The following SLC2A13 variants were observed in gnomAD, a reference collection of about 807,000 sequenced individuals.
SLC2A13 encodes proton myo-inositol cotransporter.
Under a neutral mutation model 64.4 loss-of-function variants are expected in SLC2A13, and 32 were observed. That is an observed-to-expected ratio of 0.50 (90% CI 0.37 to 0.67). The LOEUF is 0.67. Among genes scored for constraint, SLC2A13 ranks in the 30% least tolerant of loss-of-function variants. The pLI, the probability that SLC2A13 is intolerant of heterozygous loss-of-function variation, is 0.00. For synonymous variants in SLC2A13, 338 were observed against 327.1 expected, an observed-to-expected ratio of 1.03 and a Z score of -0.36; for missense variants, 743 against 829.2, an observed-to-expected ratio of 0.90 and a Z score of 1.28.
At chr12:39,842,395 AT>A (rs1304491540) in intron 6 of SLC2A13, among the ~76,000 whole-genome samples, 1 of 152,002 alleles carries the variant, frequency 6.6e-6, no homozygotes, top group Non-Finnish European at 1.5e-5. Context: ...CAAATCAGAT[AT>A]TTTTTCTACT....
At chr12:39,881,962 C>G (rs966490965) in intron 4 of SLC2A13, among the ~76,000 whole-genome samples, 11 of 152,142 alleles carry the variant, frequency 7.2e-5, no homozygotes, top group African/African-American at 2.7e-4. Flanking sequence ...ACATCTGAGT[C>G]TCTTTTAACT....
chr12:40,070,667 T>A (rs1937919110), intron 1 of SLC2A13, among the ~76,000 whole-genome samples: 1 of 152,180 alleles, frequency 6.6e-6, no homozygotes, highest in South Asian at 2.1e-4. Flanking sequence ...AACAAGATCC[T>A]TTTTGAACAG....
chr12:39,990,923 C>A (rs1947126578), intron 3 of SLC2A13, among the ~76,000 whole-genome samples: 1 of 152,078 alleles, frequency 6.6e-6, no homozygotes, highest in Non-Finnish European at 1.5e-5. Flanking sequence ...TTCAAGTCTC[C>A]TTTTTTCATC....
chr12:39,827,814 C>G (rs1942736532), intron 7 of SLC2A13, among the ~76,000 whole-genome samples: 1 of 152,052 alleles, frequency 6.6e-6, no homozygotes, highest in South Asian at 2.1e-4. Flanking sequence ...ATTATATTGA[C>G]AATTCAGAGT....
At chr12:39,809,554 G>A (rs1018440876) in intron 7 of SLC2A13, among the ~76,000 whole-genome samples, 3 of 152,154 alleles carry the variant, frequency 2.0e-5, no homozygotes, top group East Asian at 1.9e-4. Flanking sequence ...TGTGCACAAC[G>A]TGCAGGTTTG....
In SLC2A13 at chr12:39,837,475, A is replaced by C. The variant is rs372263476; in HGVS notation, c.1320-7247T>G. Reference sequence around the variant, plus strand: ...ACACCAAAAGCAATGGCAACAAAAGACAAAATTGACAAATGGGATCTAATT... The same window carrying C: ...ACACCAAAAGCAATGGCAACAAAAGCCAAAATTGACAAATGGGATCTAATT... On this transcript the variant is annotated intron_variant, in intron 6 of 9. Coordinates refer to ENST00000280871, the MANE Select transcript of SLC2A13 (RefSeq NM_052885.4). Among the ~76,000 whole-genome samples, 250 of 136,972 alleles carry C rather than the reference A, an allele frequency of 1.8e-3. 1 individual carries two copies. In the South Asian group the frequency reaches 0.053, roughly 29 times the overall value. 89.9% of individuals were successfully genotyped at this position (136,972 alleles called of 152,430 possible). A position where few individuals can be genotyped will look rare whatever the true frequency, so the allele number is the denominator to read the frequency against.
intron 5 of SLC2A13, among the ~76,000 whole-genome samples, chr12:39,866,967 T>C (rs1199880343): frequency 6.6e-6 from 1 of 152,184 alleles, no homozygotes; most frequent in African/African-American, 2.4e-5. Context: ...AAATCACAGT[T>C]TGTTTAACTA....
chr12:39,802,110 G>A (rs1487300287), intron 7 of SLC2A13: 1 of 152,278 alleles, frequency 6.6e-6, no homozygotes, highest in Non-Finnish European at 1.5e-5. Flanking sequence ...TGGTCAGGAA[G>A]GCCCCGCTGG....
chr12:39,988,885 T>G (rs1345404140), intron 3 of SLC2A13, among the ~76,000 whole-genome samples: 1 of 152,188 alleles, frequency 6.6e-6, no homozygotes, highest in Non-Finnish European at 1.5e-5. Flanking sequence ...CAGTAAATAT[T>G]GTTAACTCTA....
chr12:39,951,273 C>G lies in SLC2A13; in HGVS notation c.1018G>C (p.Gly340Arg). 1.9e-6 allele frequency: 3 copies of G among 1,613,320 alleles called. No individual in the cohort carries two copies. Among genetic ancestry groups the G allele is most frequent in the Non-Finnish European group, 2.5e-6 (3 of 1,179,652 alleles). Residue 340 changes from glycine to arginine, a missense_variant, in exon 4 of 10, where the codon GGC (glycine) becomes CGC (arginine). Transcript: ENST00000280871. ...AATACATACATGATGGTGTTAATGC[C>G]TGAGAGCTGCTGGAACATTTGTAGG... ...CGLQMFQQLS[G>R]INTIMYYSAT...
chr12:39,873,179 T>C (rs1944099521), intron 4 of SLC2A13, among the ~76,000 whole-genome samples: 1 of 152,160 alleles, frequency 6.6e-6, no homozygotes, highest in African/African-American at 2.4e-5. Flanking sequence ...ACCTATAAAT[T>C]AACTATGTAG....
chr12:40,061,671 GTCCACACAAGTGGGGTCGTGAACCCAA>G, intron 1 of SLC2A13, among the ~76,000 whole-genome samples: 1 of 152,120 alleles, frequency 6.6e-6, no homozygotes, highest in South Asian at 2.1e-4. Flanking sequence ...AGAATTTGGT[GTCCACACAAGTGGGGTCGTGAACCCAA>G]TCCCCCATGA....
intron 2 of SLC2A13, among the ~76,000 whole-genome samples, chr12:40,044,209 G>T (rs1208465580): frequency 6.6e-6 from 1 of 152,064 alleles, no homozygotes; most frequent in Non-Finnish European, 1.5e-5. Context: ...TTTGCTAAGT[G>T]AAAGAAGCCA....
At chr12:39,836,468 A>C (rs191944043) in intron 6 of SLC2A13, among the ~76,000 whole-genome samples, 17 of 152,140 alleles carry the variant, frequency 1.1e-4, no homozygotes, top group African/African-American at 3.6e-4. Flanking sequence ...TATTCAACAT[A>C]GTGTTGGAAG....
intron 2 of SLC2A13, among the ~76,000 whole-genome samples, chr12:40,047,656 C>A (rs1948191196): frequency 6.6e-6 from 1 of 152,098 alleles, no homozygotes; most frequent in African/African-American, 2.4e-5. Context: ...TCTTTCAGAT[C>A]AAAATGTAGC....
At chr12:39,862,087 C>T (rs1943777988) in intron 6 of SLC2A13, among the ~76,000 whole-genome samples, 1 of 152,158 alleles carries the variant, frequency 6.6e-6, no homozygotes, top group Non-Finnish European at 1.5e-5. Flanking sequence ...CCTTGTGTCC[C>T]TATGTTCTCA....
At chr12:39,879,590 C>T (rs191952422) in intron 4 of SLC2A13, among the ~76,000 whole-genome samples, 48 of 152,296 alleles carry the variant, frequency 3.2e-4, no homozygotes, top group African/African-American at 8.9e-4. Flanking sequence ...CCTGTACCCC[C>T]TTTCTTCCTT....
chr12:39,829,945 T>C (rs1334349803), intron 7 of SLC2A13, 158 bp downstream of exon 7: 2 of 918,842 alleles, frequency 2.2e-6, no homozygotes, highest in African/African-American at 1.7e-5. Context: ...ACAATTGCAA[T>C]GCTTTGCATC....
At chr12:40,031,545 AG>A (rs28370795) in intron 2 of SLC2A13, among the ~76,000 whole-genome samples, 3,471 of 152,260 alleles carry the variant, frequency 0.023, 142 homozygotes, top group African/African-American at 0.079. Flanking sequence ...TTTAACACAC[AG>A]GTGACAGTAT....
Sources: allele counts gnomAD v4.1 joint callset (sites outside exome capture counted in the v4.1 genomes callset), GRCh38; gene constraint gnomAD v4.1.1; transcripts MANE v1.5; gene names NCBI Gene and HGNC (gene_info 2026-07-23, HGNC 2026-07-21).